PIK3R1: variants seen among roughly 807,000 people sequenced by gnomAD.
The protein encoded by PIK3R1 is phosphatidylinositol 3-kinase regulatory subunit alpha.
In PIK3R1, 29 loss-of-function variants were observed where a neutral mutation model predicts 98.0. The ratio of observed to expected loss-of-function variants is 0.30; its 90% CI spans 0.22 to 0.40. The LOEUF (loss-of-function observed/expected upper bound fraction) is 0.40. PIK3R1 is among the 10% of genes least tolerant of loss of function. The pLI is 1.00. For synonymous variants in PIK3R1, 282 were observed against 311.8 expected (o/e 0.90, Z 1.01); for missense variants, 596 against 872.7 (o/e 0.68, Z 3.99).
At position 68,262,695 on chromosome 5, in the gene PIK3R1, ACATG is replaced by A. The variant is rs1388347483; in HGVS notation, c.335-10694_335-10691del. 1.7e-3 allele frequency among the ~76,000 whole-genome samples: 57 copies of A among 33,536 alleles called. 1 individual carries two copies. The highest frequency in any genetic ancestry group is 7.0e-3 in the African/African-American group (54 of 7,686). 22.0% of individuals were successfully genotyped at this position (33,536 alleles called of 152,430 possible). A position where few individuals can be genotyped will look rare whatever the true frequency, so the allele number is the denominator to read the frequency against. On this transcript the variant is annotated intron_variant, in intron 2 of 15. Coordinates refer to ENST00000521381, the MANE Select transcript of PIK3R1 (RefSeq NM_181523.3). ...TAGATACATGTATCTGCATGTATAC[ACATG>A]TAGATGCATGTAGATGCATGTATAC...
At chr5:68,276,915 CCA>C (rs750090385) in intron 4 of PIK3R1, among the ~76,000 whole-genome samples, 13 of 152,116 alleles carry the variant, frequency 8.5e-5, no homozygotes, top group Non-Finnish European at 1.8e-4. Context: ...CAGGTGACAG[CCA>C]CAGTCCCTGC....
chr5:68,268,596 A>G (rs554565157), intron 2 of PIK3R1, among the ~76,000 whole-genome samples: 1 of 152,178 alleles, frequency 6.6e-6, no homozygotes, highest in Admixed American at 6.5e-5. Context: ...CTTTGCATAT[A>G]CACTTTCTTT....
At chr5:68,255,505 C>T (rs1745474559) in intron 2 of PIK3R1, among the ~76,000 whole-genome samples, 1 of 152,152 alleles carries the variant, frequency 6.6e-6, no homozygotes, top group South Asian at 2.1e-4. Flanking sequence ...TAATTTGAAG[C>T]CCTGCCCCCA....
intron 2 of PIK3R1, among the ~76,000 whole-genome samples, chr5:68,253,497 C>A (rs1470129868): frequency 6.6e-6 from 1 of 152,172 alleles, no homozygotes; most frequent in Non-Finnish European, 1.5e-5. Context: ...TTTCCTCTGG[C>A]CTCGGGAGCA....
chr5:68,289,806 G>A (rs544376495), intron 7 of PIK3R1, among the ~76,000 whole-genome samples: 15 of 132,900 alleles, frequency 1.1e-4, no homozygotes, highest in Non-Finnish European at 1.7e-4. Flanking sequence ...TCATCTTCCC[G>A]TTCAAGCAGT....
chr5:68,262,403 T>TATATATATATATATATATACAC (rs33968242), intron 2 of PIK3R1, among the ~76,000 whole-genome samples: 1 of 140,618 alleles, frequency 7.1e-6, no homozygotes, highest in Non-Finnish European at 1.5e-5. Flanking sequence ...TATATATATA[T>TATATATATATATATATATACAC]ACACACACGC....
chr5:68,226,191 A>C, intron 1 of PIK3R1, 99 bp from the exon 2 acceptor site: 1 of 360,794 alleles, frequency 2.8e-6, no homozygotes, highest in East Asian at 4.1e-5. Flanking sequence ...TCTGTCTGCC[A>C]AATCGATTAA....
rs1744286675 is a variant in PIK3R1 at position 68,226,674 on chromosome 5, A to G, written c.-2A>G. 6.2e-7 allele frequency: 1 copy of G among 1,608,742 alleles called. No individual in the cohort carries two copies. ...CTGTTGCATGGTAGCAGATTTGCAA[A>G]CATGAGTGCTGAGGGGTACCAGTAC... On this transcript the variant is annotated 5_prime_UTR_variant, in exon 2 of 16. Transcript: ENST00000521381.
chr5:68,274,157 C>T, intron 4 of PIK3R1, 144 bp downstream of exon 4: 4 of 716,356 alleles, frequency 5.6e-6, no homozygotes, highest in Admixed American at 2.1e-5. Context: ...GTTCTCCCTG[C>T]CCTGTTATGG....
intron 2 of PIK3R1, among the ~76,000 whole-genome samples, chr5:68,228,303 T>C (rs1744356191): frequency 6.6e-6 from 1 of 152,196 alleles, no homozygotes; most frequent in Admixed American, 6.5e-5. Flanking sequence ...CCTTTCAGTA[T>C]TGAGTAGTAA....
rs200931773 is a variant in PIK3R1, at chr5:68,289,563, TC to T, written c.917-2688del. On this transcript the variant is annotated intron_variant, in intron 7 of 15. Transcript: ENST00000521381. The stretch of plus-strand genomic sequence containing the variant: ...CACATTTACCTTGGGGAAGAGCCCC[TC>T]CCCCCCCGCCATCATAATATTGTGA... Among the ~76,000 whole-genome samples, 176 of 148,324 alleles carry T rather than the reference TC, an allele frequency of 1.2e-3. No homozygotes were observed. The South Asian group carries it at 0.012, about 10-fold the overall frequency.
Position 68,224,686 on chromosome 5 carries a change from G to T in PIK3R1, c.-386-1604G>T, listed in dbSNP as rs148684493. Among the ~76,000 whole-genome samples, 271 of 152,268 alleles carry T rather than the reference G, an allele frequency of 1.8e-3. 1 individual carries two copies. The highest frequency in any genetic ancestry group is 6.2e-3 in the African/African-American group (257 of 41,550). On this transcript the variant is annotated intron_variant, in intron 1 of 15. Coordinates refer to ENST00000521381, the MANE Select transcript of PIK3R1 (RefSeq NM_181523.3). ...AAAGCTCTCTTTGATATAGCCCACTGAAATTGTGTGGCTATTGTTTTTATT... is the reference window on the plus strand; with the variant it reads ...AAAGCTCTCTTTGATATAGCCCACTTAAATTGTGTGGCTATTGTTTTTATT...
intron 15 of PIK3R1, 40 bp downstream of exon 15, chr5:68,296,381 G>C (rs746509936): frequency 2.6e-6 from 4 of 1,530,074 alleles, no homozygotes; most frequent in African/African-American, 1.4e-5. Flanking sequence ...AACATCTCAT[G>C]AAGAGATGTT....
chr5:68,229,942 A>G lies in PIK3R1; in HGVS notation c.334+2933A>G, dbSNP rs539242616. On this transcript the variant is annotated intron_variant, in intron 2 of 15. Coordinates refer to ENST00000521381, the MANE Select transcript of PIK3R1 (RefSeq NM_181523.3). The stretch of plus-strand genomic sequence containing the variant: ...AATTGTTTTAATTGGATAATTTTGG[A>G]TGTTTTTGGACTTAAATACATTCAG... 2.1e-4 allele frequency among the ~76,000 whole-genome samples: 32 copies of G among 152,304 alleles called. 1 individual carries two copies. Among genetic ancestry groups the G allele is most frequent in the African/African-American group, 7.5e-4 (31 of 41,566 alleles).
At chr5:68,257,522 G>A (rs1042420122) in intron 2 of PIK3R1, among the ~76,000 whole-genome samples, 5 of 152,170 alleles carry the variant, frequency 3.3e-5, no homozygotes, top group Non-Finnish European at 7.3e-5. Flanking sequence ...GGGAGAGATG[G>A]GCTGTACTAC....
chr5:68,255,472 C>A (rs1745473545), intron 2 of PIK3R1, among the ~76,000 whole-genome samples: 1 of 152,194 alleles, frequency 6.6e-6, no homozygotes, highest in Non-Finnish European at 1.5e-5. Context: ...GCTGCTTCTT[C>A]ATGACCTTCA....
At chr5:68,230,808 C>T (rs1218990284) in intron 2 of PIK3R1, among the ~76,000 whole-genome samples, 3 of 152,190 alleles carry the variant, frequency 2.0e-5, no homozygotes, top group Non-Finnish European at 4.4e-5. Flanking sequence ...ATGAGGATGA[C>T]GTTTTATTTT....
intron 2 of PIK3R1, among the ~76,000 whole-genome samples, chr5:68,258,660 T>C (rs191078353): frequency 2.6e-5 from 4 of 152,314 alleles, no homozygotes; most frequent in South Asian, 2.1e-4. Context: ...CAGCAGACCG[T>C]CTCTAATGAG....
intron 2 of PIK3R1, among the ~76,000 whole-genome samples, chr5:68,255,033 TG>T (rs1745456581): frequency 6.6e-6 from 1 of 152,334 alleles, no homozygotes; most frequent in African/African-American, 2.4e-5. Flanking sequence ...CTGCACTTAC[TG>T]GTGAGAGATC....
Sources: gnomAD v4.1 joint callset for allele counts (sites outside exome capture counted in the v4.1 genomes callset) on GRCh38, gnomAD v4.1.1 for gene constraint, MANE v1.5 for transcripts, NCBI Gene and HGNC (gene_info 2026-07-23, HGNC 2026-07-21) for gene names.